PTPRT: variants seen among roughly 807,000 people sequenced by gnomAD.
PTPRT encodes receptor-type tyrosine-protein phosphatase T.
Under a neutral mutation model 176.8 loss-of-function variants are expected in PTPRT, and 56 were observed. The ratio of observed to expected loss-of-function variants is 0.32; its 90% CI spans 0.26 to 0.40. PTPRT has a LOEUF of 0.40. Ranked by LOEUF, PTPRT falls within the 10% of genes least tolerant of loss-of-function variation. PTPRT has a pLI of 1.00. For synonymous variants in PTPRT, 783 were observed against 739.0 expected (o/e 1.06, Z -0.96); for missense variants, 1,540 against 1,908.2 (o/e 0.81, Z 3.60).
intron 7 of PTPRT, among the ~76,000 whole-genome samples, chr20:42,648,820 G>GTTGTTTTTTTTTT (rs1310734163): frequency 5.4e-5 from 6 of 111,832 alleles, no homozygotes; most frequent in African/African-American, 2.2e-4. Context: ...TGGTGTCGTT[G>GTTGTTTTTTTTTT]TTTTTTTTTT....
chr20:42,326,462 A>C (rs1306197842), intron 11 of PTPRT, among the ~76,000 whole-genome samples: 1 of 152,248 alleles, frequency 6.6e-6, no homozygotes, highest in Non-Finnish European at 1.5e-5. Flanking sequence ...AAGACTGTTA[A>C]AATTAATAAA....
intron 1 of PTPRT, among the ~76,000 whole-genome samples, chr20:43,056,526 T>C (rs1377518877): frequency 1.3e-5 from 2 of 152,190 alleles, no homozygotes; most frequent in Admixed American, 6.5e-5. Flanking sequence ...ACAAAGTCTT[T>C]TAAGATGAGG....
At position 42,077,577 on chromosome 20, in the gene PTPRT, A is replaced by G. The variant is rs1219283350; in HGVS notation, c.*3302T>C. The G allele has an allele frequency of 9.1e-6, 2 of 218,966 alleles. No individual in the cohort carries two copies. Among genetic ancestry groups the G allele is most frequent in the African/African-American group, 4.5e-5 (2 of 44,550 alleles). 13.6% of individuals were successfully genotyped at this position (218,966 alleles called of 1,614,324 possible). On this transcript the variant is annotated 3_prime_UTR_variant, in exon 31 of 31. Transcript: ENST00000373187. The stretch of plus-strand genomic sequence containing the variant: ...CCGGAGATTTCCTGGGTAAAGGAAA[A>G]TGTTCAAATTCCTGGGCACTGGTGC...
intron 2 of PTPRT, among the ~76,000 whole-genome samples, chr20:42,870,982 G>A (rs931062376): frequency 6.9e-6 from 1 of 145,674 alleles, no homozygotes; most frequent in South Asian, 2.2e-4. Flanking sequence ...ATAGAGGCTT[G>A]CTCTGTTACC....
intron 1 of PTPRT, among the ~76,000 whole-genome samples, chr20:42,997,960 G>A (rs990493759): frequency 2.6e-5 from 4 of 152,048 alleles, no homozygotes; most frequent in Non-Finnish European, 5.9e-5. Flanking sequence ...TGGGAACATG[G>A]GCAATGCCTC....
intron 1 of PTPRT, among the ~76,000 whole-genome samples, chr20:43,073,924 A>T (rs1397947955): frequency 3.3e-5 from 5 of 152,074 alleles, no homozygotes; most frequent in Non-Finnish European, 7.4e-5. Flanking sequence ...CTAATTTTTT[A>T]AAATTATTTT....
intron 7 of PTPRT, among the ~76,000 whole-genome samples, chr20:42,485,266 T>C (rs1208962340): frequency 6.6e-6 from 1 of 152,210 alleles, no homozygotes; most frequent in African/African-American, 2.4e-5. Flanking sequence ...TTCACTTCAA[T>C]TCCCACTTGA....
intron 2 of PTPRT, among the ~76,000 whole-genome samples, chr20:42,867,706 CAG>C (rs1405300398): frequency 9.1e-6 from 1 of 110,304 alleles, no homozygotes; most frequent in Non-Finnish European, 1.7e-5. Context: ...TTTTTTGTGA[CAG>C]AGTCACTCTG....
intron 16 of PTPRT, among the ~76,000 whole-genome samples, chr20:42,177,423 ATGCAACTAATTAAATCTGATGG>A (rs1256231031): frequency 1.3e-5 from 2 of 152,194 alleles, no homozygotes; most frequent in Admixed American, 1.3e-4. Context: ...CAACCAAAAA[ATGCAACTAATTAAATCTGATGG>A]CCTTAACCCT....
rs376161100 is a variant in PTPRT at position 42,678,055 on chromosome 20, G to A, written c.964C>T (p.Leu322=). 1 of 1,614,166 alleles carries A rather than the reference G, an allele frequency of 6.2e-7. No individual in the cohort carries two copies. ...GTGGTGCGATATTCCACTTCCTTCA[G>A]GATGATGGGGCCATCCCCGATGATG... ...NSIIGDGPII[L]KEVEYRTTTG... is the part of the protein sequence containing the mutation. The change falls in exon 7 of 31, where the codon CTG becomes TTG. Residue 322 remains leucine (L), a synonymous_variant. Transcript: ENST00000373187.
intron 1 of PTPRT, among the ~76,000 whole-genome samples, chr20:42,922,296 T>G (rs1477065585): frequency 6.6e-6 from 1 of 152,150 alleles, no homozygotes; most frequent in Admixed American, 6.5e-5. Context: ...ACCTACCTGG[T>G]GGAGTGCTTA....
chr20:42,371,677 G>C (rs1289774612), intron 9 of PTPRT, among the ~76,000 whole-genome samples: 1 of 152,160 alleles, frequency 6.6e-6, no homozygotes, highest in African/African-American at 2.4e-5. Flanking sequence ...GCCCCAAATT[G>C]CCAAGCCCAG....
intron 27 of PTPRT, among the ~76,000 whole-genome samples, chr20:42,097,112 C>T (rs1985340022): frequency 6.6e-6 from 1 of 152,194 alleles, no homozygotes; most frequent in Non-Finnish European, 1.5e-5. Flanking sequence ...CTATTTCATA[C>T]ATTGGGCTTG....
chr20:42,643,690 G>A (rs1460224334), intron 7 of PTPRT, among the ~76,000 whole-genome samples: 1 of 152,024 alleles, frequency 6.6e-6, no homozygotes, highest in Admixed American at 6.5e-5. Flanking sequence ...TTAGTGATGG[G>A]CAAGCATTTC....
chr20:42,838,661 A>C (rs2078223247), intron 2 of PTPRT, among the ~76,000 whole-genome samples: 1 of 152,200 alleles, frequency 6.6e-6, no homozygotes. Flanking sequence ...TTGGGATATA[A>C]AAACAAATCA....
intron 1 of PTPRT, among the ~76,000 whole-genome samples, chr20:42,980,306 G>T (rs1457506947): frequency 6.6e-6 from 1 of 152,118 alleles, no homozygotes; most frequent in African/African-American, 2.4e-5. Context: ...GGGAGCCTGG[G>T]GTACAAACAT....
intron 6 of PTPRT, among the ~76,000 whole-genome samples, chr20:42,752,465 G>A (rs2076781664): frequency 6.6e-6 from 1 of 152,154 alleles, no homozygotes; most frequent in Non-Finnish European, 1.5e-5. Context: ...AAGCATCTTG[G>A]CTGCAGAGTT....
At position 42,517,441 on chromosome 20, in the gene PTPRT, T is replaced by C. The variant is rs141134606; in HGVS notation, c.1154-44879A>G. ...AGAGGTTTATCAATTATTTTAGCTT[T>C]TATTATGGAATTAACTTTGACTTTG... On this transcript the variant is annotated intron_variant, in intron 7 of 30. Transcript: ENST00000373187. Among the ~76,000 whole-genome samples, 698 of 152,100 alleles carry C rather than the reference T, an allele frequency of 4.6e-3. 4 individuals carry two copies. Among genetic ancestry groups the C allele is most frequent in the African/African-American group, 0.016 (666 of 41,572 alleles).
intron 1 of PTPRT, among the ~76,000 whole-genome samples, chr20:43,094,385 CTCTT>C (rs1568781469): frequency 6.4e-5 from 9 of 140,300 alleles, no homozygotes; most frequent in African/African-American, 2.1e-4. Flanking sequence ...CGCACCCGGC[CTCTT>C]TCTTTTTTTT....
Sources: allele counts gnomAD v4.1 joint callset (sites outside exome capture counted in the v4.1 genomes callset), GRCh38; gene constraint gnomAD v4.1.1; transcripts MANE v1.5; gene names NCBI Gene and HGNC (gene_info 2026-07-23, HGNC 2026-07-21).